The following MITD1 variants were observed in gnomAD, a reference collection of about 807,000 sequenced individuals.
MITD1 encodes microtubule interacting and trafficking domain containing 1.
MITD1 carries 24 observed loss-of-function variants against 34.9 expected under a neutral mutation model. The ratio of observed to expected loss-of-function variants is 0.69; its 90% CI spans 0.50 to 0.97. The LOEUF (loss-of-function observed/expected upper bound fraction) is 0.97, where lower values mean the gene tolerates loss of function less well. Ranked by LOEUF, MITD1 falls within the 50% of genes least tolerant of loss-of-function variation. The pLI, the probability that MITD1 is intolerant of heterozygous loss-of-function variation, is 0.00. For synonymous variants in MITD1, 102 were observed against 101.4 expected, an observed-to-expected ratio of 1.01 and a Z score of -0.04; for missense variants, 266 against 294.6, an observed-to-expected ratio of 0.90 and a Z score of 0.71.
downstream of MITD1, among the ~76,000 whole-genome samples, chr2:99,169,101 T>C (rs189958258): frequency 6.6e-6 from 1 of 152,136 alleles, no homozygotes; most frequent in African/African-American, 2.4e-5. Context: ...TCCTAATAGA[T>C]GCTTATTATT....
intron 7 of MITD1, chr2:99,162,330 G>A (rs1559171177): frequency 4.3e-6 from 7 of 1,613,490 alleles, no homozygotes; most frequent in Non-Finnish European, 5.1e-6. Flanking sequence ...AAAAAAGTAT[G>A]ATAGAATGGA....
chr2:99,163,184 A>G lies in MITD1; in HGVS notation c.*4-966T>C, dbSNP rs1490616631. ...CTAGTCTCTTTTAGTAACGTCAAAAAAAAAAAACAAAACACAACAACCTAG... is the reference window on the plus strand; with the variant it reads ...CTAGTCTCTTTTAGTAACGTCAAAAGAAAAAAACAAAACACAACAACCTAG... On this transcript the variant is annotated intron_variant, in intron 7 of 7. Transcript: ENST00000422537. The G allele has an allele frequency of 5.9e-5, 35 of 595,448 alleles. 2 individuals carry two copies. The highest frequency in any genetic ancestry group is 8.7e-5 in the Non-Finnish European group (33 of 377,712). The allele number at this position is 595,448 out of a possible 1,614,324, so 36.9% of individuals were successfully genotyped here.
intron 1 of MITD1, among the ~76,000 whole-genome samples, chr2:99,175,640 C>A (rs1006576294): frequency 2.0e-5 from 3 of 152,188 alleles, no homozygotes; most frequent in Non-Finnish European, 4.4e-5. Context: ...TGCTTCCCAT[C>A]ACTCTTTCTC....
chr2:99,166,852 G>A (rs150726493), downstream of MITD1, among the ~76,000 whole-genome samples: 2,225 of 109,170 alleles, frequency 0.02, 75 homozygotes, highest in African/African-American at 0.071. Context: ...ATTAAGTGGG[G>A]TTTTAAATAT....
Position 99,173,994 on chromosome 2 carries a change from T to C in MITD1, c.174A>G (p.Arg58=). 6.4e-7 allele frequency: 1 copy of C among 1,559,902 alleles called. No homozygotes were observed. Among genetic ancestry groups the C allele is most frequent in the Non-Finnish European group, 8.8e-7 (1 of 1,134,354 alleles). The change falls in exon 2 of 7, where the codon AGA becomes AGG. Residue 58 remains arginine, a synonymous_variant. Coordinates refer to ENST00000289359, the MANE Select transcript of MITD1 (RefSeq NM_138798.3). ...VLKGTKDNTK[R]CNLREKISKY... ...TGGAAATTTTTTCTCTGAGATTACA[T>C]CTCTTAGTATTATCTTTGGTACCTA...
chr2:99,167,358 T>C (rs1027695810), downstream of MITD1, among the ~76,000 whole-genome samples: 3 of 152,218 alleles, frequency 2.0e-5, no homozygotes, highest in Non-Finnish European at 2.9e-5. Flanking sequence ...TTATAGTTGT[T>C]CATATAGTTC....
chr2:99,166,326 A>G (rs10176788), downstream of MITD1, among the ~76,000 whole-genome samples: 3,075 of 152,162 alleles, frequency 0.02, 102 homozygotes, highest in African/African-American at 0.07. Context: ...AACTGGGTCA[A>G]ATGCTTCTGA....
chr2:99,169,435 TAAATC>T lies in MITD1; in HGVS notation c.685_689del (p.Asp229LysfsTer5), dbSNP rs758495471. Reference sequence around the variant, plus strand: ...CTACTGTTGTTTCATGACATGGTCTTAAATCAAAATCACAATATCCAAGGGAAAAA... The same window carrying T: ...CTACTGTTGTTTCATGACATGGTCTTAAAATCACAATATCCAAGGGAAAAA... On this transcript the variant is annotated frameshift_variant, in exon 7 of 7. Transcript: ENST00000289359. LOFTEE classifies it high-confidence loss of function. The T allele has an allele frequency of 2.3e-6, 3 of 1,330,684 alleles. No homozygotes were observed. Among genetic ancestry groups the T allele is most frequent in the South Asian group, 1.2e-5 (1 of 84,950 alleles). The allele number at this position is 1,330,684 out of a possible 1,614,324, so 82.4% of individuals were successfully genotyped here. A position where few individuals can be genotyped will look rare whatever the true frequency, so the allele number is the denominator to read the frequency against.
chr2:99,176,912 C>T (rs1197914961), intron 1 of MITD1, among the ~76,000 whole-genome samples: 4 of 152,148 alleles, frequency 2.6e-5, no homozygotes, highest in Non-Finnish European at 5.9e-5. Flanking sequence ...CAGCTGTGTT[C>T]ATTGCTGCTG....
Position 99,169,587 on chromosome 2 carries a change from T to G in MITD1, c.617A>C (p.Lys206Thr). ...AAAATAATCAAGTCCCCTTCCAATC[T>G]TAATCATCCATCCATTGTTGAACCT... ...EIRFNNGWMIKIGRGLDYFKK... is the reference protein window; with the variant it reads ...EIRFNNGWMITIGRGLDYFKK... The change falls in exon 6 of 7, where the codon AAG becomes ACG. Residue 206 changes from lysine to threonine, a missense_variant. Coordinates refer to ENST00000289359, the MANE Select transcript of MITD1 (RefSeq NM_138798.3). The G allele has an allele frequency of 2.5e-6, 4 of 1,608,292 alleles. No individual in the cohort carries two copies. Among genetic ancestry groups the G allele is most frequent in the Non-Finnish European group, 3.4e-6 (4 of 1,174,860 alleles).
chr2:99,163,806 A>G (rs963010094), intron 7 of MITD1, among the ~76,000 whole-genome samples: 11 of 151,940 alleles, frequency 7.2e-5, no homozygotes, highest in Non-Finnish European at 2.9e-5. Context: ...AAACTCTAAA[A>G]TTCTCCCTTT....
downstream of MITD1, among the ~76,000 whole-genome samples, chr2:99,167,454 A>G (rs778995795): frequency 1.3e-5 from 2 of 152,214 alleles, no homozygotes; most frequent in Non-Finnish European, 2.9e-5. Context: ...CCAAATATCT[A>G]GAATGGATAG....
chr2:99,164,346 A>G (rs570432076), downstream of MITD1, among the ~76,000 whole-genome samples: 2 of 151,224 alleles, frequency 1.3e-5, no homozygotes, highest in Admixed American at 6.6e-5. Flanking sequence ...TTCTTTCAAG[A>G]CAGGGTCTTA....
chr2:99,165,055 CACACACAT>C (rs974737546), downstream of MITD1, among the ~76,000 whole-genome samples: 3 of 127,064 alleles, frequency 2.4e-5, no homozygotes, highest in African/African-American at 8.4e-5. Context: ...CACACACACA[CACACACAT>C]ATATATATAG....
intron 1 of MITD1, among the ~76,000 whole-genome samples, chr2:99,176,980 T>C (rs981885249): frequency 6.6e-6 from 1 of 152,164 alleles, no homozygotes; most frequent in Non-Finnish European, 1.5e-5. Flanking sequence ...GAGGTATATG[T>C]AGGCTTACTA....
At chr2:99,170,071 C>CTG (rs1358749869) in intron 5 of MITD1, among the ~76,000 whole-genome samples, 1 of 152,186 alleles carries the variant, frequency 6.6e-6, no homozygotes, top group Non-Finnish European at 1.5e-5. Context: ...AACATAACCA[C>CTG]TGTGCTAAAC....
intron 1 of MITD1, 138 bp from the exon 2 acceptor site, chr2:99,174,154 A>G (rs1430046139): frequency 1.6e-5 from 9 of 559,152 alleles, no homozygotes; most frequent in Non-Finnish European, 2.2e-5. Flanking sequence ...AACACACACA[A>G]TAAACTCAAA....
chr2:99,163,251 C>G (rs902912251), intron 7 of MITD1: 1 of 434,434 alleles, frequency 2.3e-6, no homozygotes, highest in African/African-American at 2.1e-5. Flanking sequence ...TCTTTATCAC[C>G]TATCCCTATC....
At chr2:99,165,061 C>T (rs58640590), downstream of MITD1, among the ~76,000 whole-genome samples, 41,192 of 133,726 alleles carry the variant, frequency 0.31, 6,644 homozygotes, top group East Asian at 0.55. Context: ...CACACACACA[C>T]ATATATATAT....
Sources: allele counts gnomAD v4.1 joint callset (sites outside exome capture counted in the v4.1 genomes callset), GRCh38; gene constraint gnomAD v4.1.1; transcripts MANE v1.5; gene names NCBI Gene and HGNC (gene_info 2026-07-23, HGNC 2026-07-21).